CLIP2: variants seen among roughly 807,000 people sequenced by gnomAD.
The protein encoded by CLIP2 is CAP-Gly domain-containing linker protein 2.
In CLIP2, 41 loss-of-function variants were observed where a neutral mutation model predicts 111.7. That is an observed-to-expected ratio of 0.37 (90% CI 0.29 to 0.48). The LOEUF (loss-of-function observed/expected upper bound fraction) is 0.48, where lower values mean the gene tolerates loss of function less well. Ranked by LOEUF, CLIP2 falls within the 20% of genes least tolerant of loss-of-function variation. The probability of loss-of-function intolerance (pLI) is 0.99; values close to 1 mark genes in which losing one functional copy is unlikely to be tolerated. For synonymous variants in CLIP2, 660 were observed against 644.2 expected, an observed-to-expected ratio of 1.02 and a Z score of -0.37; for missense variants, 1,160 against 1,422.1, an observed-to-expected ratio of 0.82 and a Z score of 2.96.
intron 1 of CLIP2, among the ~76,000 whole-genome samples, chr7:74,296,271 G>C (rs1414411855): frequency 6.6e-6 from 1 of 152,094 alleles, no homozygotes; most frequent in Non-Finnish European, 1.5e-5. Context: ...CACTTTGGGA[G>C]GCTGAGGCAG....
chr7:74,309,164 C>T lies in CLIP2; in HGVS notation c.-67-8316C>T, dbSNP rs13241815. Among the ~76,000 whole-genome samples, 209 of 152,052 alleles carry T rather than the reference C, an allele frequency of 1.4e-3. 1 individual carries two copies. The highest frequency in any genetic ancestry group is 3.4e-3 in the Middle Eastern group (1 of 294). ...GATTACAGGTATAAGCCACTATGCC[C>T]GGCCTCTCCCATCTTAAGTGTATGG... is the stretch of plus-strand genomic sequence containing the variant. On this transcript the variant is annotated intron_variant, in intron 1 of 16. Transcript: ENST00000223398.
intron 2 of CLIP2, among the ~76,000 whole-genome samples, chr7:74,327,773 G>A (rs1025537538): frequency 6.6e-6 from 1 of 152,188 alleles, no homozygotes; most frequent in East Asian, 1.9e-4. Context: ...GTCCAGGATC[G>A]ATCTGACGGG....
intron 2 of CLIP2, among the ~76,000 whole-genome samples, chr7:74,320,221 GA>G (rs1788909708): frequency 7.2e-6 from 1 of 139,404 alleles, no homozygotes; most frequent in South Asian, 2.3e-4. Context: ...AAAAAAGAAA[GA>G]AAAAGGAAAA....
intron 8 of CLIP2, among the ~76,000 whole-genome samples, chr7:74,371,877 G>T (rs1320849886): frequency 6.6e-6 from 1 of 152,104 alleles, no homozygotes. Flanking sequence ...AATTGCAGGA[G>T]TATTTCTAAT....
chr7:74,387,928 C>G (rs1327997125), intron 12 of CLIP2, among the ~76,000 whole-genome samples: 2 of 152,144 alleles, frequency 1.3e-5, no homozygotes, highest in African/African-American at 2.4e-5. Context: ...ATGCTCATGC[C>G]TATAATCTCA....
In CLIP2 at chr7:74,387,759, G is replaced by A. The variant is rs554214520; in HGVS notation, c.2563+1155G>A. ...TCCAGGCGACAGTGTAAACACACGT[G>A]TGATATCGCTCCCCACACCAGGAGC... On this transcript the variant is annotated intron_variant, in intron 12 of 16. Coordinates refer to ENST00000223398, the MANE Select transcript of CLIP2 (RefSeq NM_003388.5). 9.8e-5 allele frequency among the ~76,000 whole-genome samples: 15 copies of A among 152,352 alleles called. 1 individual carries two copies. In the South Asian group the frequency reaches 2.7e-3, roughly 27 times the overall value.
At chr7:74,368,394 G>C (rs1375371712) in intron 8 of CLIP2, among the ~76,000 whole-genome samples, 10 of 151,908 alleles carry the variant, frequency 6.6e-5, no homozygotes, top group African/African-American at 2.2e-4. Context: ...GTGGGCGCCT[G>C]TAATCCCAGC....
At position 74,338,358 on chromosome 7, in the gene CLIP2, A is replaced by G; in HGVS notation, c.122-90A>G. ...CTCTACCCAAAAATACAAATCAGCC[A>G]CCTCCCAACCCTAGACTCTGTGCTC... On this transcript the variant is annotated intron_variant, in intron 2 of 16. Transcript: ENST00000223398. This position sits in a 1 kb window ranked among gnomAD's most constrained non-coding sequence, Gnocchi z 4.3. 1 of 1,368,308 alleles carries G rather than the reference A, an allele frequency of 7.3e-7. No homozygotes were observed. Among genetic ancestry groups the G allele is most frequent in the Non-Finnish European group, 9.9e-7 (1 of 1,014,726 alleles). 84.8% of individuals were successfully genotyped at this position (1,368,308 alleles called of 1,614,324 possible).
At chr7:74,337,598 T>TTC (rs1335194290) in intron 2 of CLIP2, among the ~76,000 whole-genome samples, 1 of 151,414 alleles carries the variant, frequency 6.6e-6, no homozygotes, top group African/African-American at 2.4e-5. Flanking sequence ...TGCTTCTTTT[T>TTC]TTTTTTGTCT....
At chr7:74,318,671 C>A (rs782002165) in intron 2 of CLIP2, among the ~76,000 whole-genome samples, 1 of 152,128 alleles carries the variant, frequency 6.6e-6, no homozygotes, top group Non-Finnish European at 1.5e-5. Context: ...CGAGATCACA[C>A]CACTGCACTC....
intron 13 of CLIP2, 26 bp downstream of exon 13, chr7:74,389,285 G>T: frequency 1.3e-6 from 2 of 1,545,020 alleles, no homozygotes; most frequent in Non-Finnish European, 1.7e-6. Flanking sequence ...GGCCGGCTGG[G>T]TCCTCCCTGT....
At chr7:74,367,168 A>G (rs1790487540) in intron 8 of CLIP2, among the ~76,000 whole-genome samples, 1 of 151,922 alleles carries the variant, frequency 6.6e-6, no homozygotes. Flanking sequence ...AGAAGGTCAC[A>G]TTTGTTCTTT....
At chr7:74,312,938 T>G (rs1788679783) in intron 1 of CLIP2, among the ~76,000 whole-genome samples, 1 of 152,108 alleles carries the variant, frequency 6.6e-6, no homozygotes, top group Admixed American at 6.6e-5. Flanking sequence ...CGCACATTCC[T>G]GACGCGAGCA....
intron 10 of CLIP2, among the ~76,000 whole-genome samples, chr7:74,377,828 AT>A (rs34445488): frequency 2.0e-3 from 279 of 142,476 alleles, no homozygotes; most frequent in South Asian, 2.2e-3. Context: ...CCCCACATAC[AT>A]TTTTTTTTTT....
At position 74,381,620 on chromosome 7, in the gene CLIP2, A is replaced by G. The variant is rs192115038; in HGVS notation, c.2479+757A>G. The G allele has an allele frequency of 2.1e-4, 94 of 456,394 alleles. 1 individual carries two copies. The East Asian group carries it at 5.4e-3, about 26-fold the overall frequency. The allele number at this position is 456,394 out of a possible 1,614,324, so 28.3% of individuals were successfully genotyped here. ...TTCTTTATATCCCCTTTCCAGAAAT[A>G]TTTTGTGCAGGTACGAGCAAGCAAG... On this transcript the variant is annotated intron_variant, in intron 11 of 16. Coordinates refer to ENST00000223398, the MANE Select transcript of CLIP2 (RefSeq NM_003388.5).
At chr7:74,357,609 C>T (rs937690395) in intron 6 of CLIP2, 132 bp downstream of exon 6, 7 of 760,236 alleles carry the variant, frequency 9.2e-6, no homozygotes, top group African/African-American at 5.2e-5. Flanking sequence ...ACCTGTCCCC[C>T]GCTTTCCAGA....
chr7:74,328,936 A>G (rs2528996), intron 2 of CLIP2, among the ~76,000 whole-genome samples: 97,411 of 149,678 alleles, frequency 0.65, 33,346 homozygotes, highest in Middle Eastern at 0.8. Context: ...TTTTTGAGAC[A>G]GAGTCTCATT....
Position 74,372,940 on chromosome 7 carries a change from G to A in CLIP2, c.1389G>A (p.Thr463=), listed in dbSNP as rs1240931840. The A allele has an allele frequency of 4.6e-6, 6 of 1,317,616 alleles. No individual in the cohort carries two copies. The highest frequency in any genetic ancestry group is 3.5e-5 in the African/African-American group (2 of 56,432). 81.6% of individuals were successfully genotyped at this position (1,317,616 alleles called of 1,614,324 possible). Residue 463 remains threonine (T), a synonymous_variant, in exon 9 of 17, where the codon ACG becomes ACA. Coordinates refer to ENST00000223398, the MANE Select transcript of CLIP2 (RefSeq NM_003388.5). ...SITKGDLETQ[T]QLEHARIGEL... ...CACCCTGGGTGGACCAGACCCAGAC[G>A]CAGCTGGAGCACGCGCGCATTGGGG...
chr7:74,372,027 T>C (rs1379933529), intron 8 of CLIP2, among the ~76,000 whole-genome samples: 1 of 151,774 alleles, frequency 6.6e-6, no homozygotes, highest in Non-Finnish European at 1.5e-5. Flanking sequence ...TCTCCTGGAG[T>C]ATAAAGAGGA....
Sources: gnomAD v4.1 joint callset for allele counts (sites outside exome capture counted in the v4.1 genomes callset) on GRCh38, gnomAD v4.1.1 for gene constraint, Gnocchi (gnomAD v3.1) non-coding constraint, MANE v1.5 for transcripts, NCBI Gene and HGNC (gene_info 2026-07-23, HGNC 2026-07-21) for gene names.